Variants in RBFOX2 observed in about 807,000 individuals in gnomAD.
The protein encoded by RBFOX2 is RNA binding fox-1 homolog 2.
RBFOX2 carries 10 observed loss-of-function variants against 49.1 expected under a neutral mutation model. The observed-to-expected ratio is 0.20, with a 90% CI of 0.13 to 0.35. RBFOX2 has a LOEUF of 0.35. RBFOX2 is among the 10% of genes least tolerant of loss of function. The pLI is 1.00. For missense variants in RBFOX2, 323 were observed against 486.9 expected, an observed-to-expected ratio of 0.66 and a Z score of 3.17; for synonymous variants, 183 against 187.4, an observed-to-expected ratio of 0.98 and a Z score of 0.19.
At chr22:35,808,411 G>A (rs1303261982) in intron 2 of RBFOX2, among the ~76,000 whole-genome samples, 1 of 152,126 alleles carries the variant, frequency 6.6e-6, no homozygotes, top group Non-Finnish European at 1.5e-5. Flanking sequence ...AAGCATTTAT[G>A]GGTTAAATCC....
At chr22:35,774,250 A>C (rs1943368160) in intron 4 of RBFOX2, among the ~76,000 whole-genome samples, 2 of 152,088 alleles carry the variant, frequency 1.3e-5, no homozygotes. Context: ...AGCCTGGATA[A>C]GCCAGGAAAT....
chr22:35,756,160 A>C lies in RBFOX2; in HGVS notation c.887+3728T>G. On this transcript the variant is annotated intron_variant, in intron 9 of 11. Coordinates refer to ENST00000405409, the Ensembl canonical transcript of RBFOX2. ...GTAAACCACACTGCAGAAAATCCAC[A>C]CAAAAACAAAAACAAAAAAAACAAA... 6.7e-7 allele frequency: 1 copy of C among 1,488,622 alleles called. No individual in the cohort carries two copies. Among genetic ancestry groups the C allele is most frequent in the Non-Finnish European group, 9.0e-7 (1 of 1,110,976 alleles). 92.2% of individuals were successfully genotyped at this position (1,488,622 alleles called of 1,614,324 possible). A position where few individuals can be genotyped will look rare whatever the true frequency, so the allele number is the denominator to read the frequency against.
At chr22:35,776,953 T>A (rs956400676) in intron 4 of RBFOX2, among the ~76,000 whole-genome samples, 1 of 152,180 alleles carries the variant, frequency 6.6e-6, no homozygotes, top group Non-Finnish European at 1.5e-5. Flanking sequence ...GCTGTTTCTT[T>A]TAATGCATGG....
At chr22:35,874,007 G>A (rs1460410987) in intron 1 of RBFOX2, among the ~76,000 whole-genome samples, 1 of 152,168 alleles carries the variant, frequency 6.6e-6, no homozygotes, top group Non-Finnish European at 1.5e-5. Context: ...GATCAAAAGG[G>A]AGAAATTGGA....
intron 1 of RBFOX2, among the ~76,000 whole-genome samples, chr22:35,983,895 CA>C (rs2057581154): frequency 6.6e-6 from 1 of 152,328 alleles, no homozygotes; most frequent in South Asian, 2.1e-4. Flanking sequence ...CGACCAGGCA[CA>C]CTCTGTTTAT....
At chr22:35,756,128 C>T (rs1936861296) in intron 9 of RBFOX2, 6 of 1,501,598 alleles carry the variant, frequency 4.0e-6, no homozygotes, top group Admixed American at 4.1e-5. Flanking sequence ...CCGTAAAATC[C>T]GTCCTGGTAA....
intron 1 of RBFOX2, among the ~76,000 whole-genome samples, chr22:35,979,560 C>T (rs1455943906): frequency 6.6e-6 from 1 of 152,168 alleles, no homozygotes; most frequent in Non-Finnish European, 1.5e-5. Flanking sequence ...ACAAACCCCA[C>T]ACACAAACAC....
chr22:35,961,845 A>AATT (rs1466143671), upstream of RBFOX2, among the ~76,000 whole-genome samples: 1 of 152,126 alleles, frequency 6.6e-6, no homozygotes, highest in Non-Finnish European at 1.5e-5. Context: ...ACACAGAGAA[A>AATT]TGTCCTCCTT....
At chr22:35,879,614 G>A (rs2045607851) in intron 1 of RBFOX2, among the ~76,000 whole-genome samples, 1 of 152,238 alleles carries the variant, frequency 6.6e-6, no homozygotes, top group African/African-American at 2.4e-5. Context: ...AACAGGAGGA[G>A]ATGAAAGTCA....
At chr22:35,937,171 A>G (rs775165209) in intron 1 of RBFOX2, among the ~76,000 whole-genome samples, 1 of 152,202 alleles carries the variant, frequency 6.6e-6, no homozygotes, top group Non-Finnish European at 1.5e-5. Context: ...CACTTACCCA[A>G]TCAGAAACTC....
intron 1 of RBFOX2, among the ~76,000 whole-genome samples, chr22:35,813,788 T>C (rs1208494452): frequency 6.6e-6 from 1 of 152,172 alleles, no homozygotes; most frequent in Non-Finnish European, 1.5e-5. Context: ...AGATAGAAAG[T>C]CAGGTGTGTG....
At chr22:35,814,690 G>A (rs1454580264) in intron 1 of RBFOX2, among the ~76,000 whole-genome samples, 4 of 118,620 alleles carry the variant, frequency 3.4e-5, no homozygotes, top group Admixed American at 2.3e-4. Flanking sequence ...CAGCCTGGGC[G>A]ACAGAGTGGA....
Position 36,011,395 on chromosome 22 carries a change from T to C in RBFOX2, c.186+16845A>G, listed in dbSNP as rs75260842. Among the ~76,000 whole-genome samples, 533 of 152,286 alleles carry C rather than the reference T, an allele frequency of 3.5e-3. 1 individual carries two copies. The highest frequency in any genetic ancestry group is 0.011 in the African/African-American group (473 of 41,560). Reference sequence around the variant, plus strand: ...AAACACAGAATCATATTATTTGAGGTCCTGTACTAATCAGTCATCTTTACA... The same window carrying C: ...AAACACAGAATCATATTATTTGAGGCCCTGTACTAATCAGTCATCTTTACA... On this transcript the variant is annotated intron_variant, in intron 1 of 13. Coordinates refer to the RBFOX2 transcript ENST00000438146.
At chr22:35,750,079 C>T (rs1348701896) in intron 9 of RBFOX2, among the ~76,000 whole-genome samples, 1 of 152,116 alleles carries the variant, frequency 6.6e-6, no homozygotes, top group Non-Finnish European at 1.5e-5. Flanking sequence ...AGTTAACATT[C>T]CATACCCTAA....
chr22:35,880,978 T>C (rs962498287), intron 1 of RBFOX2, among the ~76,000 whole-genome samples: 1 of 152,078 alleles, frequency 6.6e-6, no homozygotes, highest in Non-Finnish European at 1.5e-5. Flanking sequence ...GCATGAAACT[T>C]TGACAGCTGG....
At chr22:36,015,890 G>T (rs933958076) in intron 1 of RBFOX2, among the ~76,000 whole-genome samples, 1 of 152,140 alleles carries the variant, frequency 6.6e-6, no homozygotes, top group Admixed American at 6.5e-5. Context: ...CAAACTTTAG[G>T]CTGTAAGTGT....
chr22:36,025,356 CCTTCCGTAACCAT>C (rs1165082104), intron 1 of RBFOX2, among the ~76,000 whole-genome samples: 1 of 152,162 alleles, frequency 6.6e-6, no homozygotes, highest in Non-Finnish European at 1.5e-5. Context: ...ATCTTAAAGC[CCTTCCGTAACCAT>C]CTTCATTCTC....
chr22:35,811,076 G>C (rs1326413783), intron 1 of RBFOX2, among the ~76,000 whole-genome samples: 4 of 152,158 alleles, frequency 2.6e-5, no homozygotes, highest in Admixed American at 1.3e-4. Flanking sequence ...TCAAAATTCA[G>C]CTGTCTCCAA....
At chr22:35,939,003 A>G, upstream of RBFOX2, 1 of 1,097,944 alleles carries the variant, frequency 9.1e-7, no homozygotes, top group Non-Finnish European at 1.4e-6. Context: ...CCTGGTTCCT[A>G]AAATGTTCCA....
Sources: gnomAD v4.1 joint callset for allele counts (sites outside exome capture counted in the v4.1 genomes callset) on GRCh38, gnomAD v4.1.1 for gene constraint, MANE v1.5 for transcripts, NCBI Gene and HGNC (gene_info 2026-07-23, HGNC 2026-07-21) for gene names.